Variants in GRIN2B observed in about 807,000 individuals in gnomAD.
The protein encoded by GRIN2B is glutamate ionotropic receptor NMDA type subunit 2B.
In GRIN2B, 5 loss-of-function variants were observed where a neutral mutation model predicts 114.5. That is an observed-to-expected ratio of 0.04 (90% CI 0.02 to 0.09). The LOEUF is 0.09. Among genes scored for constraint, GRIN2B ranks in the 10% least tolerant of loss-of-function variants. The pLI is 1.00. For synonymous variants in GRIN2B, 787 were observed against 745.1 expected (o/e 1.06, Z -0.92); for missense variants, 1,108 against 1,943.5 (o/e 0.57, Z 8.08).
chr12:13,612,567 A>G (rs1260467520), intron 8 of GRIN2B, among the ~76,000 whole-genome samples: 4 of 152,216 alleles, frequency 2.6e-5, no homozygotes, highest in African/African-American at 9.7e-5. Flanking sequence ...TCACAAACCA[A>G]CTACAATCTA....
chr12:13,538,513 C>A lies in GRIN2B; in HGVS notation c.*24270G>T, dbSNP rs1295444441. ...ATCCAGATAAATACTCGCAAGCTTC[C>A]TTATTTAAAACTAGAGCCAAGATGG... On this transcript the variant is annotated 3_prime_UTR_variant, in exon 14 of 14. Transcript: ENST00000609686. 6.6e-6 allele frequency: 1 copy of A among 152,136 alleles called. No homozygotes were observed. The highest frequency in any genetic ancestry group is 2.4e-5 in the African/African-American group (1 of 41,424). The allele number at this position is 152,136 out of a possible 1,614,324, so 9.4% of individuals were successfully genotyped here.
intron 2 of GRIN2B, among the ~76,000 whole-genome samples, chr12:13,914,369 G>A (rs1216569526): frequency 2.0e-5 from 3 of 152,144 alleles, no homozygotes; most frequent in Non-Finnish European, 4.4e-5. Flanking sequence ...AACACAAGGA[G>A]ATATCGTCTC....
chr12:13,808,529 G>A (rs978671505), intron 3 of GRIN2B, among the ~76,000 whole-genome samples: 1 of 151,470 alleles, frequency 6.6e-6, no homozygotes, highest in Non-Finnish European at 1.5e-5. Flanking sequence ...TCACTCATAG[G>A]TGGGAATTGA....
rs144474574 is a variant in GRIN2B, at chr12:13,633,895, G to A, written c.1126-17238C>T. On this transcript the variant is annotated intron_variant, in intron 5 of 13. Coordinates refer to ENST00000609686, the MANE Select transcript of GRIN2B (RefSeq NM_000834.5). Reference sequence around the variant, plus strand: ...CCCTTGGCTCAGGGTCCCTCTCAGCGCCTACGACACAGCTGCTGACAGGAG... The same window carrying A: ...CCCTTGGCTCAGGGTCCCTCTCAGCACCTACGACACAGCTGCTGACAGGAG... Among the ~76,000 whole-genome samples the A allele has an allele frequency of 2.5e-3, 352 of 142,836 alleles. 5 individuals are homozygous for A. The East Asian group carries it at 0.035, about 14-fold the overall frequency. The allele number at this position is 142,836 out of a possible 152,430, so 93.7% of individuals were successfully genotyped here. A position where few individuals can be genotyped will look rare whatever the true frequency, so the allele number is the denominator to read the frequency against.
chr12:13,608,947 C>T, intron 9 of GRIN2B, 115 bp from the exon 10 acceptor site: 1 of 767,658 alleles, frequency 1.3e-6, no homozygotes, highest in Admixed American at 2.0e-5. Context: ...CCGCTAAAAC[C>T]AAGCCCTTTT....
In GRIN2B at chr12:13,563,275, G is replaced by A. The variant is rs1447980087; in HGVS notation, c.3963C>T (p.Ser1321=). ...QKEEAALAPR[S]VSLKDKGRFM... Reference sequence around the variant, plus strand: ...ATCGGCCCTTGTCTTTCAGGCTTACGCTGCGCGGGGCCAGGGCGGCTTCTT... The same window carrying A: ...ATCGGCCCTTGTCTTTCAGGCTTACACTGCGCGGGGCCAGGGCGGCTTCTT... Residue 1321 remains serine, a synonymous_variant, in exon 14 of 14, where the codon AGC becomes AGT. Coordinates refer to ENST00000609686, the MANE Select transcript of GRIN2B (RefSeq NM_000834.5). 3.1e-6 allele frequency: 5 copies of A among 1,614,116 alleles called. No individual in the cohort carries two copies. The Admixed American group carries it at 5.0e-5, about 16-fold the overall frequency.
In GRIN2B at chr12:13,560,178, T is replaced by TACTTTCCCCTGGCTTTTTCACC. The variant is rs1353226847; in HGVS notation, c.*2583_*2604dup. 1 of 152,164 alleles carries TACTTTCCCCTGGCTTTTTCACC rather than the reference T, an allele frequency of 6.6e-6. No individual in the cohort carries two copies. The highest frequency in any genetic ancestry group is 1.9e-4 in the East Asian group (1 of 5,178). 9.4% of individuals were successfully genotyped at this position (152,164 alleles called of 1,614,324 possible). A position where few individuals can be genotyped will look rare whatever the true frequency, so the allele number is the denominator to read the frequency against. On this transcript the variant is annotated 3_prime_UTR_variant, in exon 14 of 14. Coordinates refer to ENST00000609686, the MANE Select transcript of GRIN2B (RefSeq NM_000834.5). ...GTTTTCTGGGGGGGATGGACACAAT[T>TACTTTCCCCTGGCTTTTTCACC]ACTTTCCCCTGGCTTTTTCACCATA...
rs1863516015 is a variant in GRIN2B at position 13,753,231 on chromosome 12, T to C, written c.1010+86A>G. On this transcript the variant is annotated intron_variant, in intron 4 of 13. Coordinates refer to ENST00000609686, the MANE Select transcript of GRIN2B (RefSeq NM_000834.5). This position sits in a 1 kb window ranked among gnomAD's most constrained non-coding sequence, Gnocchi z 6.2. ...AACCTGCTACCGTCTTGAACTGTTC[T>C]TCCTGCAGTTTCTGAACTTCCAACC... is the stretch of plus-strand genomic sequence containing the variant. The C allele has an allele frequency of 5.9e-6, 5 of 854,344 alleles. No individual in the cohort carries two copies. Among genetic ancestry groups the C allele is most frequent in the Non-Finnish European group, 1.0e-5 (5 of 489,398 alleles). The allele number at this position is 854,344 out of a possible 1,614,324, so 52.9% of individuals were successfully genotyped here.
intron 2 of GRIN2B, among the ~76,000 whole-genome samples, chr12:13,889,243 A>C (rs531015024): frequency 1.7e-4 from 26 of 152,322 alleles, no homozygotes; most frequent in African/African-American, 6.3e-4. Context: ...TTATCATCTT[A>C]TGGGACCACC....
At chr12:13,883,956 A>C (rs1382268089) in intron 2 of GRIN2B, among the ~76,000 whole-genome samples, 1 of 152,152 alleles carries the variant, frequency 6.6e-6, no homozygotes, top group African/African-American at 2.4e-5. Flanking sequence ...TCAGTTTATT[A>C]ATCACTTTAC....
At chr12:13,602,144 C>A (rs559812800) in intron 10 of GRIN2B, among the ~76,000 whole-genome samples, 9 of 152,242 alleles carry the variant, frequency 5.9e-5, no homozygotes, top group African/African-American at 1.7e-4. Flanking sequence ...TGTCCTCCCC[C>A]CTCTCATGTG....
chr12:13,960,702 G>A (rs1334282651), intron 2 of GRIN2B, among the ~76,000 whole-genome samples: 1 of 152,202 alleles, frequency 6.6e-6, no homozygotes, highest in Non-Finnish European at 1.5e-5. Flanking sequence ...CAGCAGTGAA[G>A]AAGCAGAGAA....
At chr12:13,643,588 C>T (rs919342055) in intron 5 of GRIN2B, among the ~76,000 whole-genome samples, 1 of 152,152 alleles carries the variant, frequency 6.6e-6, no homozygotes, top group East Asian at 1.9e-4. Flanking sequence ...TTTGCCACAA[C>T]AATTGACTCT....
Position 13,612,627 on chromosome 12 carries a change from G to A in GRIN2B, c.1655-777C>T, listed in dbSNP as rs1949380675. Among the ~76,000 whole-genome samples the A allele has an allele frequency of 2.6e-5, 4 of 152,226 alleles. No individual in the cohort carries two copies. The South Asian group carries it at 8.3e-4, about 32-fold the overall frequency. ...TGATGGGACAAGACTGGGCAAGGTA[G>A]CAAGAATGTTCCACATATGCTTTCT... On this transcript the variant is annotated intron_variant, in intron 8 of 13. Transcript: ENST00000609686.
chr12:13,681,551 T>C (rs1950131705), intron 4 of GRIN2B, among the ~76,000 whole-genome samples: 1 of 152,200 alleles, frequency 6.6e-6, no homozygotes, highest in Admixed American at 6.5e-5. Flanking sequence ...CTTTGTATCA[T>C]GCATGTGTCA....
At chr12:13,698,243 A>G (rs901108051) in intron 4 of GRIN2B, among the ~76,000 whole-genome samples, 1 of 151,924 alleles carries the variant, frequency 6.6e-6, no homozygotes. Flanking sequence ...GGGGAGCGGA[A>G]TGATTTTACA....
At chr12:13,932,952 C>CCT (rs1283670650) in intron 2 of GRIN2B, among the ~76,000 whole-genome samples, 1 of 148,698 alleles carries the variant, frequency 6.7e-6, no homozygotes, top group Non-Finnish European at 1.5e-5. Context: ...AGGGCTTTGT[C>CCT]GTGTGTGTGT....
chr12:13,927,223 A>G (rs552132269), intron 2 of GRIN2B, among the ~76,000 whole-genome samples: 1 of 152,328 alleles, frequency 6.6e-6, no homozygotes, highest in African/African-American at 2.4e-5. Flanking sequence ...TAGACATGCT[A>G]GAAGTTTAAT....
intron 3 of GRIN2B, among the ~76,000 whole-genome samples, chr12:13,776,986 C>A (rs74065291): frequency 6.6e-6 from 1 of 152,034 alleles, no homozygotes; most frequent in East Asian, 1.9e-4. Context: ...AATAATACAG[C>A]GGGGCAGAGC....
Sources: allele counts gnomAD v4.1 joint callset (sites outside exome capture counted in the v4.1 genomes callset), GRCh38; gene constraint gnomAD v4.1.1; non-coding constraint Gnocchi (gnomAD v3.1); transcripts MANE v1.5; gene names NCBI Gene and HGNC (gene_info 2026-07-23, HGNC 2026-07-21).